The following CENPP variants were observed in gnomAD, a reference collection of about 807,000 sequenced individuals.
The protein encoded by CENPP is centromere protein P.
In CENPP, 24 loss-of-function variants were observed where a neutral mutation model predicts 35.6. That is an observed-to-expected ratio of 0.67 (90% confidence interval 0.49 to 0.95). The LOEUF (loss-of-function observed/expected upper bound fraction) is 0.95. CENPP is among the 40% of genes least tolerant of loss of function. CENPP has a pLI of 0.00. For synonymous variants in CENPP, 120 were observed against 125.5 expected (o/e 0.96, Z 0.29); for missense variants, 332 against 345.3 (o/e 0.96, Z 0.31).
chr9:92,475,420 T>C (rs927595195), intron 5 of CENPP, among the ~76,000 whole-genome samples: 1 of 152,182 alleles, frequency 6.6e-6, no homozygotes, highest in African/African-American at 2.4e-5. Context: ...CTGGCAGGAA[T>C]ATACCTGATT....
At chr9:92,512,810 G>GCA (rs1390108232) in intron 5 of CENPP, among the ~76,000 whole-genome samples, 1 of 152,168 alleles carries the variant, frequency 6.6e-6, no homozygotes, top group Non-Finnish European at 1.5e-5. Flanking sequence ...AACCATAACA[G>GCA]TGTAGCTCAG....
chr9:92,603,307 G>A (rs1850978551), intron 5 of CENPP, among the ~76,000 whole-genome samples: 1 of 152,240 alleles, frequency 6.6e-6, no homozygotes, highest in Non-Finnish European at 1.5e-5. Context: ...GGTAATGTGT[G>A]AAGAACCTAG....
At chr9:92,331,596 T>C (rs540490579) in intron 1 of CENPP, among the ~76,000 whole-genome samples, 1 of 152,396 alleles carries the variant, frequency 6.6e-6, no homozygotes, top group African/African-American at 2.4e-5. Context: ...CCTGTTATAA[T>C]TTATTTGAAA....
At chr9:92,509,569 AC>A (rs1266087208) in intron 5 of CENPP, among the ~76,000 whole-genome samples, 1 of 152,170 alleles carries the variant, frequency 6.6e-6, no homozygotes, top group African/African-American at 2.4e-5. Flanking sequence ...GATCCATAAC[AC>A]AAAACACATG....
intron 4 of CENPP, among the ~76,000 whole-genome samples, chr9:92,348,304 ACATTCTTCATTTCTTTATTT>A (rs1330821964): frequency 1.3e-5 from 2 of 151,180 alleles, no homozygotes; most frequent in Non-Finnish European, 2.9e-5. Context: ...TTCATTTCCA[ACATTCTTCATTTCTTTATTT>A]CATTCTTCAT....
At chr9:92,594,967 G>C (rs933765780) in intron 5 of CENPP, among the ~76,000 whole-genome samples, 3 of 146,924 alleles carry the variant, frequency 2.0e-5, no homozygotes, top group African/African-American at 7.5e-5. Context: ...CGTGATCTTG[G>C]CTCACTGCAA....
intron 5 of CENPP, among the ~76,000 whole-genome samples, chr9:92,451,200 G>A (rs1347087713): frequency 1.3e-5 from 2 of 149,136 alleles, no homozygotes; most frequent in Non-Finnish European, 3.0e-5. Context: ...GTAATGCCTA[G>A]GTTTTCTTCT....
At position 92,453,973 on chromosome 9, in the gene CENPP, A is replaced by G. The variant is rs367822768; in HGVS notation, c.564+74114A>G. Among the ~76,000 whole-genome samples, 67 of 152,292 alleles carry G rather than the reference A, an allele frequency of 4.4e-4. No homozygotes were observed. The East Asian group carries it at 9.3e-3, about 21-fold the overall frequency. On this transcript the variant is annotated intron_variant, in intron 5 of 7. Transcript: ENST00000375587. ...CTCATCTCAGGAAAAAAAAGAAAAA[A>G]AAAAAGTTTTTGTTTTAGTGACTTC... is the stretch of plus-strand genomic sequence containing the variant.
Position 92,470,558 on chromosome 9 carries a change from T to C in CENPP, c.564+90699T>C, listed in dbSNP as rs555382805. The C allele has an allele frequency of 1.4e-5, 8 of 565,584 alleles. No individual in the cohort carries two copies. In the South Asian group the frequency reaches 2.2e-4, roughly 16 times the overall value. The allele number at this position is 565,584 out of a possible 1,614,324, so 35.0% of individuals were successfully genotyped here. ...CTGTTGAATGCAGGGATTTTTGTCA[T>C]TCTTTACAGAAAAGTAAGACTTGTT... On this transcript the variant is annotated intron_variant, in intron 5 of 7. Coordinates refer to ENST00000375587, the MANE Select transcript of CENPP (RefSeq NM_001012267.3).
At chr9:92,470,763 G>T in intron 5 of CENPP, 1 of 1,591,898 alleles carries the variant, frequency 6.3e-7, no homozygotes, top group Non-Finnish European at 8.6e-7. Context: ...TGGAATGTTG[G>T]TTGGGACTGA....
chr9:92,590,356 T>C (rs1364099901), intron 5 of CENPP, among the ~76,000 whole-genome samples: 1 of 152,270 alleles, frequency 6.6e-6, no homozygotes, highest in Non-Finnish European at 1.5e-5. Flanking sequence ...AAGAATCCTC[T>C]TTCTATTACA....
chr9:92,344,362 C>G (rs1841215637), intron 3 of CENPP, among the ~76,000 whole-genome samples: 1 of 152,142 alleles, frequency 6.6e-6, no homozygotes, highest in Admixed American at 6.5e-5. Context: ...ACCAGATGTG[C>G]TCCTGAGATT....
At chr9:92,553,258 C>T (rs926259744) in intron 5 of CENPP, among the ~76,000 whole-genome samples, 1 of 152,112 alleles carries the variant, frequency 6.6e-6, no homozygotes, top group Non-Finnish European at 1.5e-5. Flanking sequence ...CTATTCTGTT[C>T]CATTGGTCTA....
chr9:92,382,856 A>T (rs529369967), intron 5 of CENPP, among the ~76,000 whole-genome samples: 3 of 134,468 alleles, frequency 2.2e-5, no homozygotes, highest in Non-Finnish European at 4.8e-5. Flanking sequence ...CTGTTGGTCT[A>T]TATGTCTGTA....
intron 5 of CENPP, among the ~76,000 whole-genome samples, chr9:92,576,548 T>C (rs1465255785): frequency 6.6e-6 from 1 of 152,212 alleles, no homozygotes; most frequent in African/African-American, 2.4e-5. Context: ...TCATAATGCA[T>C]TGTATGCCTG....
At chr9:92,591,940 A>G (rs185501471) in intron 5 of CENPP, among the ~76,000 whole-genome samples, 124 of 151,868 alleles carry the variant, frequency 8.2e-4, no homozygotes, top group African/African-American at 3.0e-3. Context: ...CTTATTTTTT[A>G]ACTTTTTGTT....
At chr9:92,399,072 C>G (rs1038916607) in intron 5 of CENPP, among the ~76,000 whole-genome samples, 2 of 151,734 alleles carry the variant, frequency 1.3e-5, no homozygotes, top group African/African-American at 4.8e-5. Context: ...AAAAAAAATC[C>G]TCAAAGTTGG....
At chr9:92,541,305 T>C (rs543529251) in intron 5 of CENPP, among the ~76,000 whole-genome samples, 2 of 152,112 alleles carry the variant, frequency 1.3e-5, no homozygotes, top group South Asian at 4.2e-4. Flanking sequence ...TATTTATTCC[T>C]CCTGTCTAAC....
At chr9:92,512,197 T>C (rs1412632596) in intron 5 of CENPP, 1 of 952,412 alleles carries the variant, frequency 1.0e-6, no homozygotes, top group East Asian at 2.5e-5. Context: ...TATGGGCATG[T>C]GTGCATAGAT....
Sources: allele counts gnomAD v4.1 joint callset (sites outside exome capture counted in the v4.1 genomes callset), GRCh38; gene constraint gnomAD v4.1.1; transcripts MANE v1.5; gene names NCBI Gene and HGNC (gene_info 2026-07-23, HGNC 2026-07-21).